PTPN20: variants seen among roughly 807,000 people sequenced by gnomAD.
PTPN20 encodes tyrosine-protein phosphatase non-receptor type 20.
Under a neutral mutation model 35.0 loss-of-function variants are expected in PTPN20, and 9 were observed. That is an observed-to-expected ratio of 0.26 (90% confidence interval 0.15 to 0.45). The LOEUF (loss-of-function observed/expected upper bound fraction) is 0.45, where lower values mean the gene tolerates loss of function less well. Among genes scored for constraint, PTPN20 ranks in the 20% least tolerant of loss-of-function variants. PTPN20 has a pLI of 1.00. For missense variants in PTPN20, 111 were observed against 312.5 expected (o/e 0.36, Z 4.86); for synonymous variants, 32 against 100.2 (o/e 0.32, Z 4.06).
rs1034353525 is a variant in PTPN20 at position 46,992,675 on chromosome 10, C to T, written c.1134+5120C>T. 9.0e-3 allele frequency among the ~76,000 whole-genome samples: 1,375 copies of T among 152,270 alleles called. 11 individuals are homozygous for T. The highest frequency in any genetic ancestry group is 0.016 in the Non-Finnish European group (1,108 of 68,010). On this transcript the variant is annotated intron_variant, in intron 9 of 10. Transcript: ENST00000374339. ...TAGGTTTCAGCTGTCTCCTGAATCT[C>T]ATTAAGCTTCCTTACCACCCAGATT... is the stretch of plus-strand genomic sequence containing the variant.
intron 8 of PTPN20, among the ~76,000 whole-genome samples, chr10:46,985,334 G>A (rs1447968563): frequency 2.7e-5 from 4 of 148,884 alleles, no homozygotes; most frequent in African/African-American, 1.0e-4. Flanking sequence ...GATCAACTAC[G>A]GCTGTTGGCA....
chr10:46,923,330 G>A (rs1221145353), intron 1 of PTPN20, among the ~76,000 whole-genome samples: 4 of 146,064 alleles, frequency 2.7e-5, no homozygotes, highest in Non-Finnish European at 4.4e-5. Context: ...CCATGTTATA[G>A]CAGCTCTTGG....
At chr10:46,954,413 C>T (rs2047811218) in intron 5 of PTPN20, among the ~76,000 whole-genome samples, 1 of 148,702 alleles carries the variant, frequency 6.7e-6, no homozygotes, top group Admixed American at 6.7e-5. Flanking sequence ...CAGCCCATAA[C>T]AATATTCAAT....
intron 9 of PTPN20, among the ~76,000 whole-genome samples, chr10:46,996,020 C>T (rs963064027): frequency 6.6e-6 from 1 of 152,210 alleles, no homozygotes; most frequent in South Asian, 2.1e-4. Context: ...CTTGCTTCTA[C>T]ACTGTTATTT....
At chr10:46,928,467 C>T (rs2038442749) in intron 1 of PTPN20, among the ~76,000 whole-genome samples, 3 of 152,098 alleles carry the variant, frequency 2.0e-5, no homozygotes, top group African/African-American at 7.2e-5. Flanking sequence ...TCTTCCTTCC[C>T]AATATGAATC....
downstream of PTPN20, chr10:47,002,414 A>G (rs2060115841): frequency 6.6e-6 from 1 of 151,988 alleles, no homozygotes; most frequent in African/African-American, 2.4e-5. Context: ...CTCTTCTTTA[A>G]TGTGTGCCTC....
intron 5 of PTPN20, among the ~76,000 whole-genome samples, chr10:46,951,549 C>G (rs1555146368): frequency 2.0e-5 from 3 of 152,168 alleles, no homozygotes; most frequent in Non-Finnish European, 2.9e-5. Flanking sequence ...CAAATATTCT[C>G]CTAAATTTTC....
intron 9 of PTPN20, among the ~76,000 whole-genome samples, chr10:46,994,090 GT>G (rs533837493): frequency 2.7e-5 from 4 of 148,944 alleles, no homozygotes; most frequent in South Asian, 2.1e-4. Context: ...TGGATAACAG[GT>G]TTTTTTTTTC....
intron 9 of PTPN20, among the ~76,000 whole-genome samples, chr10:46,991,770 G>T (rs1299216854): frequency 4.3e-5 from 6 of 138,016 alleles, no homozygotes; most frequent in Non-Finnish European, 9.2e-5. Flanking sequence ...CTTCTCACTT[G>T]TAAGTTTCTG....
chr10:46,976,315 C>A (rs1289806242), intron 7 of PTPN20, among the ~76,000 whole-genome samples: 1 of 102,350 alleles, frequency 9.8e-6, no homozygotes, highest in African/African-American at 3.6e-5. Context: ...TTTCCCTTTT[C>A]CCTTAATTTG....
chr10:46,945,291 CTATT>C (rs2044389399), intron 4 of PTPN20, among the ~76,000 whole-genome samples: 1 of 152,092 alleles, frequency 6.6e-6, no homozygotes, highest in Admixed American at 6.5e-5. Flanking sequence ...ATGCAACTAT[CTATT>C]TATCCATCCA....
At position 46,984,387 on chromosome 10, in the gene PTPN20, T is replaced by G. The variant is rs1401593466; in HGVS notation, c.741T>G (p.Asn247Lys). The change falls in exon 8 of 11, where the codon AAT becomes AAG. Residue 247 changes from asparagine to lysine, a missense_variant. By Grantham distance (94) the Asn-to-Lys change is moderately conservative (BLOSUM62 0). Coordinates refer to ENST00000374339, the MANE Select transcript of PTPN20 (RefSeq NM_001042357.5). ...TTTGGCAAATGGTGTTGGAAAATAA[T>G]TCAAATGTTATTGCCATGATAACCA... ...DDFWQMVLENNSNVIAMITRE... is the reference protein window; with the variant it reads ...DDFWQMVLENKSNVIAMITRE... 4.3e-6 allele frequency: 7 copies of G among 1,611,960 alleles called. No homozygotes were observed. In the East Asian group the frequency reaches 1.6e-4, roughly 36 times the overall value.
At chr10:46,993,366 C>A (rs2058379475) in intron 9 of PTPN20, among the ~76,000 whole-genome samples, 2 of 152,214 alleles carry the variant, frequency 1.3e-5, no homozygotes, top group South Asian at 4.1e-4. Context: ...AGATCCACAG[C>A]ACACTGGAGG....
chr10:46,941,112 C>T (rs1364201147), intron 3 of PTPN20, among the ~76,000 whole-genome samples: 10 of 150,804 alleles, frequency 6.6e-5, no homozygotes, highest in African/African-American at 2.5e-4. Context: ...AAAACTCTTA[C>T]TTCAACACAT....
In PTPN20 at chr10:46,918,706, T is replaced by C. The variant is rs548510243; in HGVS notation, c.-124+7205T>C. ...ATTTTAAAGGTTTATTTCTGTTGAT[T>C]TCTATTTTAATTCCATTTTTAAAAA... On this transcript the variant is annotated intron_variant, in intron 1 of 10. Coordinates refer to ENST00000374339, the MANE Select transcript of PTPN20 (RefSeq NM_001042357.5). Among the ~76,000 whole-genome samples the C allele has an allele frequency of 1.4e-5, 2 of 142,242 alleles. 1 individual carries two copies. Among genetic ancestry groups the C allele is most frequent in the South Asian group, 4.3e-4 (2 of 4,614 alleles). The allele number at this position is 142,242 out of a possible 152,430, so 93.3% of individuals were successfully genotyped here. A position where few individuals can be genotyped will look rare whatever the true frequency, so the allele number is the denominator to read the frequency against.
chr10:46,924,986 A>G (rs2036681252), intron 1 of PTPN20, among the ~76,000 whole-genome samples: 1 of 147,518 alleles, frequency 6.8e-6, no homozygotes, highest in East Asian at 2.0e-4. Context: ...AGACACTCAA[A>G]GCCTGCTGAA....
At chr10:46,936,317 CTTGTT>C (rs1438959552) in intron 2 of PTPN20, among the ~76,000 whole-genome samples, 1 of 151,954 alleles carries the variant, frequency 6.6e-6, no homozygotes, top group Non-Finnish European at 1.5e-5. Context: ...GGTACCACCT[CTTGTT>C]TATACATCTG....
chr10:46,954,926 CAA>C (rs1160770638), intron 5 of PTPN20, among the ~76,000 whole-genome samples: 2 of 151,428 alleles, frequency 1.3e-5, no homozygotes, highest in Non-Finnish European at 2.9e-5. Flanking sequence ...ATTTTAGGAA[CAA>C]AGATAACAAT....
intron 1 of PTPN20, among the ~76,000 whole-genome samples, chr10:46,925,049 T>A (rs2036712277): frequency 6.6e-6 from 1 of 150,500 alleles, no homozygotes; most frequent in African/African-American, 2.5e-5. Context: ...CGGAAAGACA[T>A]ATTTGTGACA....
Sources: gnomAD v4.1 joint callset for allele counts (sites outside exome capture counted in the v4.1 genomes callset) on GRCh38, gnomAD v4.1.1 for gene constraint, MANE v1.5 for transcripts, NCBI Gene and HGNC (gene_info 2026-07-23, HGNC 2026-07-21) for gene names.